RRAS2: variants seen among roughly 807,000 people sequenced by gnomAD.
The protein encoded by RRAS2 is RAS related 2, also known as ras-related protein R-Ras2.
In RRAS2, 7 loss-of-function variants were observed where a neutral mutation model predicts 27.6. That is an observed-to-expected ratio of 0.25 (90% CI 0.14 to 0.48). RRAS2 has a LOEUF of 0.48. Among genes scored for constraint, RRAS2 ranks in the 20% least tolerant of loss-of-function variants. RRAS2 has a pLI of 0.99. For synonymous variants in RRAS2, 86 were observed against 90.9 expected (o/e 0.95, Z 0.31); for missense variants, 178 against 256.2 (o/e 0.69, Z 2.08).
intron 1 of RRAS2, among the ~76,000 whole-genome samples, chr11:14,333,686 G>A (rs1848529577): frequency 7.2e-6 from 1 of 139,708 alleles, no homozygotes; most frequent in Admixed American, 7.3e-5. Context: ...CTGTCGCCCA[G>A]GCTGGAGTGC....
At position 14,298,668 on chromosome 11, in the gene RRAS2, T is replaced by C. The variant is rs185289084; in HGVS notation, c.109-2813A>G. Among the ~76,000 whole-genome samples, 4 of 152,352 alleles carry C rather than the reference T, an allele frequency of 2.6e-5. No individual in the cohort carries two copies. In the East Asian group the frequency reaches 7.7e-4, roughly 29 times the overall value. On this transcript the variant is annotated intron_variant, in intron 1 of 5. Coordinates refer to ENST00000256196, the MANE Select transcript of RRAS2 (RefSeq NM_012250.6). ...CAATCTTTGCTGTGTCCTATCTTCA[T>C]ACTTTGTCTACAGAGACCATCATCT...
chr11:14,330,535 G>A (rs549242279), intron 1 of RRAS2, among the ~76,000 whole-genome samples: 34 of 152,186 alleles, frequency 2.2e-4, no homozygotes, highest in Admixed American at 2.1e-3. Context: ...CTGGTTCCTT[G>A]GGGTTGGGGG....
chr11:14,328,593 T>C (rs1352652965), intron 1 of RRAS2, among the ~76,000 whole-genome samples: 1 of 151,696 alleles, frequency 6.6e-6, no homozygotes, highest in African/African-American at 2.4e-5. Flanking sequence ...AGCTATAGTA[T>C]GTAAAGTAGT....
chr11:14,349,436 A>T (rs1169386946), intron 1 of RRAS2, among the ~76,000 whole-genome samples: 1 of 151,786 alleles, frequency 6.6e-6, no homozygotes, highest in Admixed American at 6.6e-5. Flanking sequence ...TGCTGGGATT[A>T]CAGGTGTCAG....
chr11:14,356,217 TG>T (rs1181725672), intron 1 of RRAS2, among the ~76,000 whole-genome samples: 2 of 152,104 alleles, frequency 1.3e-5, no homozygotes, highest in African/African-American at 2.4e-5. Flanking sequence ...GGCTCCTTTT[TG>T]CAGAGACCAG....
intron 1 of RRAS2, among the ~76,000 whole-genome samples, chr11:14,336,420 A>G (rs377024247): frequency 1.9e-3 from 285 of 152,346 alleles, no homozygotes; most frequent in African/African-American, 6.6e-3. Context: ...TCGAGATAAC[A>G]AAGATGTCAG....
upstream of RRAS2, among the ~76,000 whole-genome samples, chr11:14,361,674 A>G (rs1849192612): frequency 6.6e-6 from 1 of 152,228 alleles, no homozygotes; most frequent in Admixed American, 6.5e-5. Flanking sequence ...TGCTTTGGAA[A>G]ACTGTATGTG....
intron 1 of RRAS2, among the ~76,000 whole-genome samples, chr11:14,355,157 A>G (rs1385861576): frequency 3.3e-5 from 5 of 152,014 alleles, no homozygotes; most frequent in Admixed American, 6.6e-5. Context: ...AGTTAAATGA[A>G]TAAAAAAAAA....
At chr11:14,321,502 G>T (rs1163213611) in intron 1 of RRAS2, among the ~76,000 whole-genome samples, 4 of 152,188 alleles carry the variant, frequency 2.6e-5, no homozygotes, top group African/African-American at 4.8e-5. Flanking sequence ...TTTTGTGTTT[G>T]ATCATCCAGG....
At chr11:14,290,499 T>C (rs1319904867) in intron 4 of RRAS2, among the ~76,000 whole-genome samples, 1 of 152,160 alleles carries the variant, frequency 6.6e-6, no homozygotes, top group African/African-American at 2.4e-5. Context: ...AATTTCATGC[T>C]ATAGTATCTC....
chr11:14,318,977 G>A (rs918666630), intron 1 of RRAS2, among the ~76,000 whole-genome samples: 2 of 152,174 alleles, frequency 1.3e-5, no homozygotes, highest in Admixed American at 6.5e-5. Flanking sequence ...CACAGTCCAT[G>A]AAGTAGGTGG....
chr11:14,284,375 G>A (rs1232190276), intron 4 of RRAS2, among the ~76,000 whole-genome samples: 1 of 152,072 alleles, frequency 6.6e-6, no homozygotes, highest in African/African-American at 2.4e-5. Flanking sequence ...TTCTACTGTG[G>A]TCAGGAAATT....
At chr11:14,364,425 C>T (rs1554956493) in exon 1 of RRAS2, 2 of 1,534,942 alleles carry the variant, frequency 1.3e-6, no homozygotes, top group Admixed American at 2.0e-5. Flanking sequence ...CACTTATTTC[C>T]TTAATGGGCC....
intron 4 of RRAS2, among the ~76,000 whole-genome samples, chr11:14,284,710 G>C (rs1223393142): frequency 6.6e-6 from 1 of 152,156 alleles, no homozygotes; most frequent in Non-Finnish European, 1.5e-5. Flanking sequence ...ATGTCCTCTT[G>C]AGGAATTAAT....
At chr11:14,304,384 T>C (rs557376916) in intron 1 of RRAS2, among the ~76,000 whole-genome samples, 16 of 152,238 alleles carry the variant, frequency 1.1e-4, no homozygotes, top group African/African-American at 3.9e-4. Context: ...TCAACACTTT[T>C]ATTCCCTAGA....
chr11:14,281,830 T>A (rs1290896429), intron 4 of RRAS2, 110 bp from the exon 5 acceptor site: 5 of 883,550 alleles, frequency 5.7e-6, no homozygotes, highest in African/African-American at 1.7e-5. Flanking sequence ...CAAGTTGTTT[T>A]ATCATAAGGT....
intron 1 of RRAS2, among the ~76,000 whole-genome samples, chr11:14,298,564 C>A (rs1164316875): frequency 1.3e-5 from 2 of 152,162 alleles, no homozygotes; most frequent in Non-Finnish European, 2.9e-5. Flanking sequence ...TGCCATACTG[C>A]TACATGCATT....
rs1371995295 is a variant in RRAS2, at chr11:14,358,046, C to G, written c.108+717G>C. 8.5e-5 allele frequency among the ~76,000 whole-genome samples: 13 copies of G among 152,120 alleles called. No homozygotes were observed. Among genetic ancestry groups the G allele is most frequent in the African/African-American group, 3.1e-4 (13 of 41,428 alleles). On this transcript the variant is annotated intron_variant, in intron 1 of 5. Coordinates refer to ENST00000256196, the MANE Select transcript of RRAS2 (RefSeq NM_012250.6). This position sits in a 1 kb window ranked among gnomAD's most constrained non-coding sequence, Gnocchi z 5.1. Reference sequence around the variant, plus strand: ...ACGCACGACTCGGTCATATCCTAGCCCGGCCCATCCCAAACTTCACCTAGG... The same window carrying G: ...ACGCACGACTCGGTCATATCCTAGCGCGGCCCATCCCAAACTTCACCTAGG...
At chr11:14,336,559 G>C (rs1848592933) in intron 1 of RRAS2, among the ~76,000 whole-genome samples, 1 of 151,990 alleles carries the variant, frequency 6.6e-6, no homozygotes, top group Admixed American at 6.6e-5. Flanking sequence ...GAAACAAATG[G>C]GAGCTTAAAA....
Sources: gnomAD v4.1 joint callset for allele counts (sites outside exome capture counted in the v4.1 genomes callset) on GRCh38, gnomAD v4.1.1 for gene constraint, Gnocchi (gnomAD v3.1) non-coding constraint, MANE v1.5 for transcripts, NCBI Gene and HGNC (gene_info 2026-07-23, HGNC 2026-07-21) for gene names.